Variants in SWT1 observed in about 807,000 individuals in gnomAD.
SWT1 encodes SWT1 RNA endoribonuclease homolog.
SWT1 carries 33 observed loss-of-function variants against 107.3 expected under a neutral mutation model. The ratio of observed to expected loss-of-function variants is 0.31; its 90% CI spans 0.23 to 0.41. The LOEUF (loss-of-function observed/expected upper bound fraction) is 0.41, where lower values mean the gene tolerates loss of function less well. Among genes scored for constraint, SWT1 ranks in the 10% least tolerant of loss-of-function variants. The pLI, the probability that SWT1 is intolerant of heterozygous loss-of-function variation, is 1.00. For missense variants in SWT1, 898 were observed against 1,028.9 expected, an observed-to-expected ratio of 0.87 and a Z score of 1.74; for synonymous variants, 345 against 348.3, an observed-to-expected ratio of 0.99 and a Z score of 0.11.
Position 185,290,699 on chromosome 1 carries a change from C to A in SWT1, c.2599C>A (p.Gln867Lys). 6.3e-7 allele frequency: 1 copy of A among 1,578,582 alleles called. No homozygotes were observed. Among genetic ancestry groups the A allele is most frequent in the Non-Finnish European group, 8.6e-7 (1 of 1,159,560 alleles). Reference protein sequence around the residue: ...YREKLTIGCRQLVEMEYTMQQ... With the variant: ...YREKLTIGCRKLVEMEYTMQQ... Reference sequence around the variant, plus strand: ...GGAAAAGTTAACCATTGGATGCCGCCAGCTGGTTGAGATGGAATATACCAT... The same window carrying A: ...GGAAAAGTTAACCATTGGATGCCGCAAGCTGGTTGAGATGGAATATACCAT... Residue 867 changes from glutamine (Q) to lysine (K), a missense_variant, in exon 19 of 19, where the codon CAG becomes AAG. By Grantham distance (53) the Gln-to-Lys change is moderately conservative. Coordinates refer to ENST00000367500, the MANE Select transcript of SWT1 (RefSeq NM_017673.7).
At chr1:185,239,778 T>C (rs1422158129) in intron 16 of SWT1, among the ~76,000 whole-genome samples, 1 of 152,108 alleles carries the variant, frequency 6.6e-6, no homozygotes, top group East Asian at 1.9e-4. Context: ...ATTTATACTT[T>C]TGTAAACTTA....
chr1:185,250,739 T>G (rs1255081716), intron 16 of SWT1, among the ~76,000 whole-genome samples: 1 of 152,180 alleles, frequency 6.6e-6, no homozygotes, highest in Non-Finnish European at 1.5e-5. Context: ...CTTGGCTCAC[T>G]GCAACCTCCA....
intron 16 of SWT1, among the ~76,000 whole-genome samples, chr1:185,257,340 C>G (rs1199551210): frequency 1.3e-5 from 2 of 152,126 alleles, no homozygotes; most frequent in African/African-American, 4.8e-5. Context: ...CTTTGTTTAC[C>G]TAAGCAAGCC....
intron 16 of SWT1, among the ~76,000 whole-genome samples, chr1:185,268,597 G>A (rs1481691155): frequency 6.6e-6 from 1 of 152,086 alleles, no homozygotes; most frequent in Non-Finnish European, 1.5e-5. Context: ...TCTGATCTGG[G>A]CATCTTTAGT....
intron 1 of SWT1, among the ~76,000 whole-genome samples, chr1:185,158,540 A>AT (rs986672420): frequency 1.2e-4 from 17 of 142,548 alleles, no homozygotes; most frequent in African/African-American, 4.2e-4. Flanking sequence ...GTTCATGATG[A>AT]TTTTTTATTT....
At position 185,245,088 on chromosome 1, in the gene SWT1, C is replaced by T. The variant is rs192758162; in HGVS notation, c.2441+13380C>T. ...CAGAGTGAGACCCCATCTCTAAGAACGATTTTTTATATTTAAAAATAAAAT... is the reference window on the plus strand; with the variant it reads ...CAGAGTGAGACCCCATCTCTAAGAATGATTTTTTATATTTAAAAATAAAAT... On this transcript the variant is annotated intron_variant, in intron 16 of 18. Coordinates refer to ENST00000367500, the MANE Select transcript of SWT1 (RefSeq NM_017673.7). Among the ~76,000 whole-genome samples, 331 of 152,028 alleles carry T rather than the reference C, an allele frequency of 2.2e-3. 1 individual carries two copies. The highest frequency in any genetic ancestry group is 4.0e-3 in the Non-Finnish European group (275 of 67,956).
intron 16 of SWT1, among the ~76,000 whole-genome samples, chr1:185,271,087 T>C (rs1328693664): frequency 2.0e-5 from 3 of 152,254 alleles, no homozygotes; most frequent in African/African-American, 7.2e-5. Context: ...TGTTGATTAA[T>C]TGATGTTATA....
intron 10 of SWT1, among the ~76,000 whole-genome samples, chr1:185,197,094 A>G (rs1318169823): frequency 6.6e-6 from 1 of 152,152 alleles, no homozygotes. Context: ...TGGGTTTGTC[A>G]TAAATAGCTC....
In SWT1 at chr1:185,266,234, T is replaced by G. The variant is rs1663375757; in HGVS notation, c.2442-5089T>G. The stretch of plus-strand genomic sequence containing the variant: ...GCCCGCCACCACGCCCAGCTAATTT[T>G]TTTGTATTTTTAGTAGACACGGGGT... On this transcript the variant is annotated intron_variant, in intron 16 of 18. Coordinates refer to ENST00000367500, the MANE Select transcript of SWT1 (RefSeq NM_017673.7). Among the ~76,000 whole-genome samples the G allele has an allele frequency of 3.3e-5, 5 of 152,256 alleles. No homozygotes were observed. In the South Asian group the frequency reaches 1.0e-3, roughly 32 times the overall value.
intron 16 of SWT1, chr1:185,264,357 A>G: frequency 1.0e-6 from 1 of 985,362 alleles, no homozygotes; most frequent in African/African-American, 1.7e-5. Flanking sequence ...GGATGACATA[A>G]AAGTTCACTG....
chr1:185,289,066 T>C (rs1447668047), intron 18 of SWT1, among the ~76,000 whole-genome samples: 2 of 152,236 alleles, frequency 1.3e-5, no homozygotes, highest in African/African-American at 4.8e-5. Flanking sequence ...ATCTGTTCCT[T>C]TCAGGAGGTA....
intron 15 of SWT1, among the ~76,000 whole-genome samples, chr1:185,223,602 C>T (rs1236013420): frequency 6.6e-6 from 1 of 152,080 alleles, no homozygotes; most frequent in African/African-American, 2.4e-5. Context: ...TACCTGGTGG[C>T]CATTCAAATG....
At chr1:185,261,623 C>T (rs1203544866) in intron 16 of SWT1, among the ~76,000 whole-genome samples, 15 of 151,328 alleles carry the variant, frequency 9.9e-5, no homozygotes, top group Admixed American at 9.9e-4. Context: ...AACAAGAGTG[C>T]ACAAGGGTTC....
chr1:185,172,815 G>A (rs184422594), intron 4 of SWT1, among the ~76,000 whole-genome samples: 4 of 152,140 alleles, frequency 2.6e-5, no homozygotes, highest in East Asian at 1.9e-4. Context: ...TTGGGAGGCC[G>A]AGGTGGGCAG....
intron 16 of SWT1, among the ~76,000 whole-genome samples, chr1:185,236,294 C>T (rs1356973665): frequency 6.6e-6 from 1 of 152,156 alleles, no homozygotes; most frequent in Non-Finnish European, 1.5e-5. Flanking sequence ...AAACTGGAGG[C>T]ATCACGCTAC....
chr1:185,237,328 A>G (rs981173461), intron 16 of SWT1, among the ~76,000 whole-genome samples: 2 of 152,214 alleles, frequency 1.3e-5, no homozygotes, highest in African/African-American at 4.8e-5. Flanking sequence ...TAGACTGGAT[A>G]AAGAAAGTGT....
chr1:185,158,523 T>TA (rs1322107010), intron 1 of SWT1, among the ~76,000 whole-genome samples: 3 of 151,718 alleles, frequency 2.0e-5, no homozygotes, highest in African/African-American at 7.3e-5. Flanking sequence ...TTTTTTTTTT[T>TA]ACTGTCGTTC....
intron 1 of SWT1, among the ~76,000 whole-genome samples, chr1:185,158,091 G>A (rs1411256512): frequency 3.3e-5 from 5 of 152,124 alleles, no homozygotes; most frequent in Admixed American, 1.3e-4. Context: ...AACAAGACGC[G>A]CGCTTCCAGT....
chr1:185,198,937 C>CT (rs1657635490), intron 10 of SWT1, among the ~76,000 whole-genome samples: 1 of 147,986 alleles, frequency 6.8e-6, no homozygotes, highest in South Asian at 2.1e-4. Flanking sequence ...AGCTCGTTTA[C>CT]ATTTTTTTTT....
Sources: allele counts gnomAD v4.1 joint callset (sites outside exome capture counted in the v4.1 genomes callset), GRCh38; gene constraint gnomAD v4.1.1; transcripts MANE v1.5; gene names NCBI Gene and HGNC (gene_info 2026-07-23, HGNC 2026-07-21).